PRDM5: variants seen among roughly 807,000 people sequenced by gnomAD.
PRDM5 encodes PR/SET domain 5.
PRDM5 carries 56 observed loss-of-function variants against 81.2 expected under a neutral mutation model. The observed-to-expected ratio is 0.69, with a 90% confidence interval of 0.56 to 0.86. The LOEUF is 0.86. Among genes scored for constraint, PRDM5 ranks in the 40% least tolerant of loss-of-function variants. PRDM5 has a pLI of 0.00. For missense variants in PRDM5, 697 were observed against 770.1 expected (o/e 0.91, Z 1.12); for synonymous variants, 267 against 256.4 (o/e 1.04, Z -0.39).
At chr4:120,706,473 A>G (rs1429881383) in intron 15 of PRDM5, among the ~76,000 whole-genome samples, 1 of 152,094 alleles carries the variant, frequency 6.6e-6, no homozygotes, top group Non-Finnish European at 1.5e-5. Context: ...CAAAAGGATC[A>G]TGTTGAGAGA....
intron 14 of PRDM5, among the ~76,000 whole-genome samples, chr4:120,728,669 G>A (rs529280433): frequency 5.3e-5 from 8 of 151,982 alleles, no homozygotes; most frequent in South Asian, 2.1e-4. Flanking sequence ...CATCTACCCC[G>A]CCCCCTGCCC....
intron 14 of PRDM5, among the ~76,000 whole-genome samples, chr4:120,716,785 T>C (rs1259328601): frequency 2.0e-5 from 3 of 152,156 alleles, no homozygotes; most frequent in African/African-American, 7.2e-5. Context: ...GCTCTTATAC[T>C]AGAGGCAGAG....
intron 13 of PRDM5, among the ~76,000 whole-genome samples, chr4:120,774,710 G>A (rs1180854707): frequency 6.6e-6 from 1 of 152,128 alleles, no homozygotes; most frequent in African/African-American, 2.4e-5. Context: ...GCATAGGCTT[G>A]ACATCAAAAT....
intron 2 of PRDM5, among the ~76,000 whole-genome samples, chr4:120,861,568 C>T (rs563434769): frequency 6.6e-6 from 1 of 151,954 alleles, no homozygotes; most frequent in East Asian, 1.9e-4. Flanking sequence ...GAGGCCGAGG[C>T]GGGCATATCA....
At chr4:120,782,472 AAAG>A (rs1332470956) in intron 11 of PRDM5, among the ~76,000 whole-genome samples, 1 of 152,240 alleles carries the variant, frequency 6.6e-6, no homozygotes, top group Non-Finnish European at 1.5e-5. Flanking sequence ...GGAGGGACAA[AAAG>A]AAGGAGAAAA....
chr4:120,712,041 T>C (rs1026451868), intron 14 of PRDM5, among the ~76,000 whole-genome samples: 1 of 152,074 alleles, frequency 6.6e-6, no homozygotes, highest in African/African-American at 2.4e-5. Context: ...ATCCTAGCAC[T>C]TTGGGAGGCC....
intron 15 of PRDM5, among the ~76,000 whole-genome samples, chr4:120,709,455 C>T (rs1014480086): frequency 2.0e-5 from 3 of 152,260 alleles, no homozygotes; most frequent in Non-Finnish European, 2.9e-5. Context: ...AACCTTACCA[C>T]TGAAGTTTCA....
chr4:120,792,934 G>C (rs2149268440), intron 10 of PRDM5, among the ~76,000 whole-genome samples: 1 of 152,202 alleles, frequency 6.6e-6, no homozygotes, highest in African/African-American at 2.4e-5. Context: ...GGGAAGGGAG[G>C]AATGGGAAGA....
chr4:120,708,394 G>C (rs1376164795), intron 15 of PRDM5, among the ~76,000 whole-genome samples: 1 of 152,016 alleles, frequency 6.6e-6, no homozygotes, highest in Non-Finnish European at 1.5e-5. Context: ...AGTCACAAAA[G>C]GTCACATATT....
chr4:120,802,870 G>A (rs543465382), intron 8 of PRDM5, among the ~76,000 whole-genome samples: 1 of 152,314 alleles, frequency 6.6e-6, no homozygotes, highest in African/African-American at 2.4e-5. Context: ...TGACTTTGAC[G>A]AGTTGAGAGA....
intron 14 of PRDM5, among the ~76,000 whole-genome samples, chr4:120,730,707 T>G (rs914752921): frequency 5.3e-5 from 8 of 152,248 alleles, no homozygotes; most frequent in African/African-American, 1.9e-4. Context: ...AGCATGTACT[T>G]TCTTTTAAAT....
At chr4:120,720,015 G>A (rs561822302) in intron 14 of PRDM5, among the ~76,000 whole-genome samples, 17 of 152,152 alleles carry the variant, frequency 1.1e-4, no homozygotes, top group East Asian at 7.7e-4. Flanking sequence ...GCGCTCCAGG[G>A]ACTGGCCTCA....
intron 2 of PRDM5, among the ~76,000 whole-genome samples, chr4:120,900,508 A>G (rs1765117886): frequency 6.6e-6 from 1 of 152,208 alleles, no homozygotes; most frequent in Non-Finnish European, 1.5e-5. Flanking sequence ...TCTGTTCTTC[A>G]TTGGTTCAAA....
intron 14 of PRDM5, among the ~76,000 whole-genome samples, chr4:120,713,349 G>A (rs1427127070): frequency 6.6e-6 from 1 of 152,068 alleles, no homozygotes; most frequent in Admixed American, 6.6e-5. Flanking sequence ...TTTATAAACA[G>A]CATATGACTA....
chr4:120,815,177 C>A (rs1471281674), intron 7 of PRDM5, among the ~76,000 whole-genome samples: 1 of 152,162 alleles, frequency 6.6e-6, no homozygotes, highest in African/African-American at 2.4e-5. Flanking sequence ...TTAAGAATAG[C>A]ATTTTAACTA....
intron 1 of PRDM5, among the ~76,000 whole-genome samples, chr4:120,917,401 A>T (rs1042347730): frequency 2.1e-4 from 32 of 152,150 alleles, no homozygotes; most frequent in African/African-American, 7.5e-4. Flanking sequence ...TTTTCTGCCA[A>T]GTCAACCATA....
intron 10 of PRDM5, among the ~76,000 whole-genome samples, chr4:120,788,843 G>C (rs1413521934): frequency 6.6e-6 from 1 of 152,194 alleles, no homozygotes; most frequent in Non-Finnish European, 1.5e-5. Flanking sequence ...TCTGGGTTGG[G>C]ATGGCAGAGA....
chr4:120,838,905 A>C (rs1757672718), intron 3 of PRDM5: 3 of 351,496 alleles, frequency 8.5e-6, no homozygotes, highest in Non-Finnish European at 1.6e-5. Flanking sequence ...TGTGAGAGTG[A>C]GTGTGGGGTC....
intron 3 of PRDM5, among the ~76,000 whole-genome samples, chr4:120,851,188 C>T (rs1489812314): frequency 6.6e-6 from 1 of 152,000 alleles, no homozygotes; most frequent in Non-Finnish European, 1.5e-5. Flanking sequence ...TTGGAGAAGG[C>T]TTAAAATCAT....
Sources: gnomAD v4.1 joint callset for allele counts (sites outside exome capture counted in the v4.1 genomes callset) on GRCh38, gnomAD v4.1.1 for gene constraint, MANE v1.5 for transcripts, NCBI Gene and HGNC (gene_info 2026-07-23, HGNC 2026-07-21) for gene names.